Variants in LRRK1 observed in about 807,000 individuals in gnomAD.
LRRK1 encodes leucine-rich repeat serine/threonine-protein kinase 1.
A neutral mutation model predicts 209.1 loss-of-function variants in LRRK1; 113 were observed. The ratio of observed to expected loss-of-function variants is 0.54; its 90% confidence interval spans 0.46 to 0.63. The LOEUF (loss-of-function observed/expected upper bound fraction) is 0.63, where lower values mean the gene tolerates loss of function less well. LRRK1 is among the 30% of genes least tolerant of loss of function. LRRK1 has a pLI of 0.00. For missense variants in LRRK1, 2,284 were observed against 2,632.2 expected, an observed-to-expected ratio of 0.87 and a Z score of 2.89; for synonymous variants, 1,144 against 1,099.7, an observed-to-expected ratio of 1.04 and a Z score of -0.80.
chr15:101,007,684 T>C (rs1176767821), intron 6 of LRRK1, among the ~76,000 whole-genome samples: 1 of 151,772 alleles, frequency 6.6e-6, no homozygotes, highest in African/African-American at 2.4e-5. Context: ...GTGGGGAAGC[T>C]GGGGGGCCTC....
intron 4 of LRRK1, among the ~76,000 whole-genome samples, chr15:100,988,325 T>C (rs1173553413): frequency 6.6e-6 from 1 of 152,124 alleles, no homozygotes; most frequent in Admixed American, 6.5e-5. Flanking sequence ...TAGTCCCCAG[T>C]GTCTATTGTT....
chr15:101,047,411 G>A (rs1299920257), intron 21 of LRRK1, among the ~76,000 whole-genome samples: 1 of 152,216 alleles, frequency 6.6e-6, no homozygotes, highest in Non-Finnish European at 1.5e-5. Context: ...TGAACTCTGT[G>A]TGCCGCTGTC....
chr15:101,024,722 A>C lies in LRRK1; in HGVS notation c.2068-81A>C, dbSNP rs954886847. ...TCAGACCCCCGAGTCCAGCCTCCAG[A>C]GTTATCCGTTGTCTCCGTTTGATTG... On this transcript the variant is annotated intron_variant, in intron 15 of 33. Transcript: ENST00000388948. This position sits in a 1 kb window ranked among gnomAD's most constrained non-coding sequence, Gnocchi z 4.6. The C allele has an allele frequency of 2.7e-5, 39 of 1,446,570 alleles. No homozygotes were observed. The highest frequency in any genetic ancestry group is 3.6e-5 in the Non-Finnish European group (38 of 1,051,538). 89.6% of individuals were successfully genotyped at this position (1,446,570 alleles called of 1,614,324 possible).
intron 11 of LRRK1, 42 bp from the exon 12 acceptor site, chr15:101,015,284 G>T: frequency 6.7e-7 from 1 of 1,482,000 alleles, no homozygotes; most frequent in Non-Finnish European, 9.4e-7. Context: ...TAATGCTTTT[G>T]TCGTGCTGTC....
chr15:100,960,124 C>T (rs1422411105), intron 2 of LRRK1, among the ~76,000 whole-genome samples: 2 of 152,100 alleles, frequency 1.3e-5, no homozygotes, highest in Non-Finnish European at 2.9e-5. Context: ...TTGAATTCCG[C>T]CACGTAAGAA....
chr15:101,049,413 C>A, intron 22 of LRRK1: 1 of 464,134 alleles, frequency 2.2e-6, no homozygotes. Flanking sequence ...CCAGGCTGAG[C>A]GTCCCTGACT....
At chr15:100,938,962 G>GAA (rs2042353357) in intron 2 of LRRK1, among the ~76,000 whole-genome samples, 1 of 151,904 alleles carries the variant, frequency 6.6e-6, no homozygotes, top group Non-Finnish European at 1.5e-5. Context: ...GCATGGTGGC[G>GAA]GGCACCTGTA....
At chr15:101,044,785 A>T (rs560769527) in intron 20 of LRRK1, among the ~76,000 whole-genome samples, 1 of 152,356 alleles carries the variant, frequency 6.6e-6, no homozygotes, top group South Asian at 2.1e-4. Context: ...CCCAGGATGC[A>T]TGAGATGAAG....
chr15:101,056,493 G>A (rs973382593), intron 27 of LRRK1, among the ~76,000 whole-genome samples: 8 of 152,182 alleles, frequency 5.3e-5, no homozygotes, highest in African/African-American at 1.9e-4. Flanking sequence ...AGATGGATGG[G>A]TGGATGGAAA....
intron 2 of LRRK1, among the ~76,000 whole-genome samples, chr15:100,933,736 C>T (rs944105897): frequency 4.4e-5 from 6 of 135,186 alleles, no homozygotes; most frequent in Admixed American, 8.7e-5. Context: ...GCATGAGAAT[C>T]GCTTGAACCT....
chr15:100,973,088 C>T (rs917151971), intron 2 of LRRK1, among the ~76,000 whole-genome samples: 1 of 152,236 alleles, frequency 6.6e-6, no homozygotes, highest in African/African-American at 2.4e-5. Context: ...CCTCCTGCAC[C>T]CAGCGAGGGC....
chr15:100,935,652 T>G (rs2141602747), intron 2 of LRRK1, among the ~76,000 whole-genome samples: 2 of 152,114 alleles, frequency 1.3e-5, no homozygotes, highest in Middle Eastern at 6.8e-3. Flanking sequence ...AGGAAGAGAA[T>G]GCACTGGGAA....
intron 1 of LRRK1, among the ~76,000 whole-genome samples, chr15:100,921,552 T>TG (rs145602707): frequency 2.8e-5 from 2 of 72,554 alleles, no homozygotes; most frequent in African/African-American, 2.6e-4. Flanking sequence ...AACTTCTAAC[T>TG]GATATCGACA....
intron 10 of LRRK1, 102 bp from the exon 11 acceptor site, chr15:101,014,214 G>A (rs1450763862): frequency 8.7e-6 from 7 of 803,750 alleles, no homozygotes; most frequent in Admixed American, 2.3e-5. Flanking sequence ...GGTTGGAATC[G>A]TTTGACTGCG....
rs771748188 is a variant in LRRK1, at chr15:101,010,757, C to T, written c.1201C>T (p.His401Tyr). The change falls in exon 9 of 34, where the codon CAC becomes TAC. Residue 401 changes from histidine to tyrosine, a missense_variant. His to Tyr is a moderately conservative substitution (Grantham distance 83). Coordinates refer to ENST00000388948, the MANE Select transcript of LRRK1 (RefSeq NM_024652.6). ...KLTELPALFL[H>Y]SFKSLNSLNV... ...GACAGAACTCCCTGCCCTGTTCCTT[C>T]ACTCTTTCAAGTCCCTCAATTCTCT... 1 of 1,613,764 alleles carries T rather than the reference C, an allele frequency of 6.2e-7. No homozygotes were observed. Among genetic ancestry groups the T allele is most frequent in the South Asian group, 1.1e-5 (1 of 91,080 alleles).
Position 101,069,082 on chromosome 15 carries a change from A to G in LRRK1, c.*234A>G, listed in dbSNP as rs1284065159. On this transcript the variant is annotated 3_prime_UTR_variant, in exon 34 of 34. Transcript: ENST00000388948. ...CCCATCCCCCAACTGCTGATTTTAC[A>G]GCCCCAGGGAAGACAGTGGTATCAG... 2.4e-6 allele frequency: 1 copy of G among 409,998 alleles called. No homozygotes were observed. The allele number at this position is 409,998 out of a possible 1,614,324, so 25.4% of individuals were successfully genotyped here.
chr15:100,991,915 T>C (rs2032171442), intron 6 of LRRK1, among the ~76,000 whole-genome samples: 1 of 152,226 alleles, frequency 6.6e-6, no homozygotes, highest in East Asian at 1.9e-4. Flanking sequence ...TAGGAAACAT[T>C]ACTGAACTTT....
chr15:101,044,830 A>G (rs1232941302), intron 20 of LRRK1, among the ~76,000 whole-genome samples: 1 of 152,262 alleles, frequency 6.6e-6, no homozygotes, highest in African/African-American at 2.4e-5. Context: ...GGCACGGCCC[A>G]GGGCCTCCTG....
In LRRK1 at chr15:101,022,521, C is replaced by G. The variant is rs748140184; in HGVS notation, c.1991C>G (p.Pro664Arg). The change falls in exon 15 of 34, where the codon CCC becomes CGC. Residue 664 changes from proline to arginine, a missense_variant. Transcript: ENST00000388948. The surrounding 1 kb of genome is among the most constrained non-coding windows in gnomAD (Gnocchi z 4.0). ...GAGATCTTACAGACGGGGAGGGCCC[C>G]CCAGGTGGTGCATGGAGAGGCCACC... ...LLEILQTGRAPQVVHGEATIR... is the reference protein window; with the variant it reads ...LLEILQTGRARQVVHGEATIR... 1.2e-6 allele frequency: 2 copies of G among 1,614,046 alleles called. No homozygotes were observed. The highest frequency in any genetic ancestry group is 1.7e-6 in the Non-Finnish European group (2 of 1,180,048).
Sources: gnomAD v4.1 joint callset for allele counts (sites outside exome capture counted in the v4.1 genomes callset) on GRCh38, gnomAD v4.1.1 for gene constraint, Gnocchi (gnomAD v3.1) non-coding constraint, MANE v1.5 for transcripts, NCBI Gene and HGNC (gene_info 2026-07-23, HGNC 2026-07-21) for gene names.